TRIO: variants seen among roughly 807,000 people sequenced by gnomAD.
The protein encoded by TRIO is triple functional domain protein.
In TRIO, 58 loss-of-function variants were observed where a neutral mutation model predicts 351.9. That is an observed-to-expected ratio of 0.16 (90% CI 0.13 to 0.21). TRIO has a LOEUF of 0.21. TRIO is among the 10% of genes least tolerant of loss of function. The pLI is 1.00. For missense variants in TRIO, 3,201 were observed against 4,027.8 expected, an observed-to-expected ratio of 0.79 and a Z score of 5.56; for synonymous variants, 1,758 against 1,595.7, an observed-to-expected ratio of 1.10 and a Z score of -2.42.
intron 33 of TRIO, among the ~76,000 whole-genome samples, chr5:14,413,459 C>T (rs30610): frequency 0.27 from 41,211 of 152,196 alleles, 6,615 homozygotes; most frequent in Middle Eastern, 0.46. Context: ...AGGCATTCAG[C>T]GCACAAGAAT....
rs756805966 is a variant in TRIO, at chr5:14,364,749, C to T, written c.2687C>T (p.Ala896Val). 6.2e-7 allele frequency: 1 copy of T among 1,612,746 alleles called. No individual in the cohort carries two copies. The highest frequency in any genetic ancestry group is 8.5e-7 in the Non-Finnish European group (1 of 1,180,012). ...HEKQQELDLA[A>V]EQHRKHLEQC... ...AAACAGCAGGAATTGGATTTAGCCG[C>T]AGAGCAGCATCGGAAACACCTGGAG... is the stretch of plus-strand genomic sequence containing the variant. Residue 896 changes from alanine (A) to valine (V), a missense_variant, in exon 15 of 57, where the codon GCA becomes GTA. Physicochemically the swap from Ala to Val is moderately conservative, Grantham distance 64. Around this residue, in one of 19 missense-constraint regions of TRIO, gnomAD observed 363 missense variants for 553.5 expected, o/e 0.66. Coordinates refer to ENST00000344204, the MANE Select transcript of TRIO (RefSeq NM_007118.4).
At chr5:14,337,018 C>T (rs183098659) in intron 11 of TRIO, among the ~76,000 whole-genome samples, 3 of 152,288 alleles carry the variant, frequency 2.0e-5, no homozygotes, top group East Asian at 1.9e-4. Flanking sequence ...GGGACCTGCG[C>T]GTTGTTGGTC....
chr5:14,186,013 G>A (rs1029774560), intron 1 of TRIO, among the ~76,000 whole-genome samples: 3 of 152,240 alleles, frequency 2.0e-5, no homozygotes, highest in Non-Finnish European at 4.4e-5. Context: ...GGGGACCAGA[G>A]TGTTTTGAAT....
intron 49 of TRIO, among the ~76,000 whole-genome samples, chr5:14,495,701 G>A (rs1458580140): frequency 1.3e-5 from 2 of 149,922 alleles, no homozygotes; most frequent in Admixed American, 6.6e-5. Flanking sequence ...AGGCGTGGTG[G>A]CTCACGCCTG....
At chr5:14,377,307 A>G (rs531972164) in intron 19 of TRIO, among the ~76,000 whole-genome samples, 1 of 151,358 alleles carries the variant, frequency 6.6e-6, no homozygotes, top group South Asian at 2.1e-4. Flanking sequence ...GTGCAATGAC[A>G]TGATCTTGGC....
rs766305596 is a variant in TRIO, at chr5:14,318,386, C to T, written c.1731+1643C>T. Among the ~76,000 whole-genome samples, 141 of 143,008 alleles carry T rather than the reference C, an allele frequency of 9.9e-4. 1 individual carries two copies. Among genetic ancestry groups the T allele is most frequent in the Middle Eastern group, 3.8e-3 (1 of 264 alleles). 93.8% of individuals were successfully genotyped at this position (143,008 alleles called of 152,430 possible). The stretch of plus-strand genomic sequence containing the variant: ...AGGAGAATCACTTGAACTGGGGAGG[C>T]GGAGGTTGCAGTGAACCAAGATCAC... On this transcript the variant is annotated intron_variant, in intron 9 of 56. Transcript: ENST00000344204.
chr5:14,244,605 A>ACT (rs1180459148), intron 1 of TRIO, among the ~76,000 whole-genome samples: 2 of 152,228 alleles, frequency 1.3e-5, no homozygotes, highest in Non-Finnish European at 2.9e-5. Context: ...ATGTTGCTGA[A>ACT]CTGCAGTACT....
intron 25 of TRIO, among the ~76,000 whole-genome samples, chr5:14,389,621 G>A (rs1746871065): frequency 1.3e-5 from 2 of 152,268 alleles, no homozygotes; most frequent in African/African-American, 4.8e-5. Flanking sequence ...AATAAGATCA[G>A]GAAAACTATG....
chr5:14,167,079 C>T (rs1461707251), intron 1 of TRIO, among the ~76,000 whole-genome samples: 2 of 151,500 alleles, frequency 1.3e-5, no homozygotes, highest in Admixed American at 6.6e-5. Context: ...ATTTTCTGAC[C>T]GATCACTGGG....
chr5:14,356,875 AG>A (rs1223907992), intron 11 of TRIO, among the ~76,000 whole-genome samples: 1 of 151,704 alleles, frequency 6.6e-6, no homozygotes, highest in East Asian at 1.9e-4. Context: ...AGAAAAAAAA[AG>A]AGTACATACT....
intron 1 of TRIO, among the ~76,000 whole-genome samples, chr5:14,265,516 G>A (rs993304348): frequency 5.3e-5 from 8 of 152,094 alleles, no homozygotes; most frequent in Non-Finnish European, 1.2e-4. Flanking sequence ...AACATAATAT[G>A]CTATATAAAA....
At position 14,293,142 on chromosome 5, in the gene TRIO, A is replaced by T; in HGVS notation, c.1176+8A>T. On this transcript the variant is annotated splice_region_variant and intron_variant, in intron 6 of 56. Transcript: ENST00000344204. ...TTTGCCATGAACTGTATGGTAAGAC[A>T]CTCGGAACAGCTGGACCCTGGCATG... 6.2e-7 allele frequency: 1 copy of T among 1,614,048 alleles called. No homozygotes were observed. The highest frequency in any genetic ancestry group is 2.2e-5 in the East Asian group (1 of 44,872).
intron 8 of TRIO, among the ~76,000 whole-genome samples, chr5:14,309,662 C>T (rs998857191): frequency 6.6e-6 from 1 of 152,210 alleles, no homozygotes; most frequent in Admixed American, 6.5e-5. Context: ...AGCAGCACTC[C>T]TGAGCTTGCT....
At chr5:14,501,713 G>A (rs750580383) in intron 53 of TRIO, among the ~76,000 whole-genome samples, 18 of 152,244 alleles carry the variant, frequency 1.2e-4, no homozygotes, top group Non-Finnish European at 2.6e-4. Flanking sequence ...GGAAGCCCAC[G>A]TGAAGATAGG....
In TRIO at chr5:14,485,237, T is replaced by G. The variant is rs769831956; in HGVS notation, c.6826T>G (p.Phe2276Val). ...INQILENQRN[F>V]LNALTSPIEY... ...CCAAATTTTAGAAAACCAGCGCAAT[T>G]TTTTAAATGGTAATGTGTGTTCTGT... Residue 2276 changes from phenylalanine (F) to valine (V), a missense_variant, in exon 47 of 57, where the codon TTT becomes GTT. This residue lies in a region of TRIO where 1,089 missense variants were observed against 954.9 expected (regional missense o/e 1.14). Coordinates refer to ENST00000344204, the MANE Select transcript of TRIO (RefSeq NM_007118.4). The G allele has an allele frequency of 2.1e-5, 33 of 1,579,380 alleles. No individual in the cohort carries two copies. The highest frequency in any genetic ancestry group is 2.8e-5 in the Non-Finnish European group (32 of 1,155,588).
intron 7 of TRIO, among the ~76,000 whole-genome samples, chr5:14,301,858 C>T (rs1366674599): frequency 2.7e-4 from 41 of 152,104 alleles, no homozygotes; most frequent in Admixed American, 2.7e-3. Flanking sequence ...AGAGCTTGGT[C>T]TGTGGAGTCT....
At chr5:14,418,188 G>T (rs534099068) in intron 33 of TRIO, among the ~76,000 whole-genome samples, 1 of 152,296 alleles carries the variant, frequency 6.6e-6, no homozygotes, top group African/African-American at 2.4e-5. Flanking sequence ...AAGAGGGATG[G>T]TATGGGCTAC....
intron 34 of TRIO, among the ~76,000 whole-genome samples, chr5:14,452,592 T>G (rs1344273364): frequency 6.6e-6 from 1 of 152,150 alleles, no homozygotes; most frequent in Non-Finnish European, 1.5e-5. Flanking sequence ...CAGGCAGACT[T>G]TAAACTCCAG....
Position 14,502,635 on chromosome 5 carries a change from A to T in TRIO, c.8389A>T (p.Ser2797Cys), listed in dbSNP as rs774486579. ...GAAAGACAACTTTGACTCCTTCTAC[A>T]GTGAAGTGGCTGAGCTTGGCAGGTA... The part of the protein sequence containing the change: ...TWKDNFDSFY[S>C]EVAELGRGRF... The change falls in exon 54 of 57, where the codon AGT becomes TGT. Residue 2797 changes from serine (S) to cysteine (C), a missense_variant. Ser to Cys is a moderately radical substitution (Grantham distance 112, BLOSUM62 -1). Coordinates refer to ENST00000344204, the MANE Select transcript of TRIO (RefSeq NM_007118.4). The T allele has an allele frequency of 6.2e-7, 1 of 1,614,202 alleles. No homozygotes were observed. The highest frequency in any genetic ancestry group is 8.5e-7 in the Non-Finnish European group (1 of 1,180,034).
Sources: allele counts gnomAD v4.1 joint callset (sites outside exome capture counted in the v4.1 genomes callset), GRCh38; gene constraint gnomAD v4.1.1; regional missense constraint gnomAD v4.1.1; transcripts MANE v1.5; gene names NCBI Gene and HGNC (gene_info 2026-07-23, HGNC 2026-07-21).